Variants in CACHD1 observed in about 807,000 individuals in gnomAD.
The protein encoded by CACHD1 is VWFA and cache domain-containing protein 1.
In CACHD1, 71 loss-of-function variants were observed where a neutral mutation model predicts 138.7. That is an observed-to-expected ratio of 0.51 (90% CI 0.42 to 0.62). CACHD1 has a LOEUF of 0.62. CACHD1 is among the 20% of genes least tolerant of loss of function. The pLI, the probability that CACHD1 is intolerant of heterozygous loss-of-function variation, is 0.00. For missense variants in CACHD1, 1,389 were observed against 1,625.3 expected (o/e 0.85, Z 2.50); for synonymous variants, 578 against 591.5 (o/e 0.98, Z 0.33).
chr1:64,681,118 A>C (rs976075958), intron 24 of CACHD1, 140 bp from the exon 25 acceptor site: 1 of 499,058 alleles, frequency 2.0e-6, no homozygotes, highest in Non-Finnish European at 3.6e-6. Flanking sequence ...ATGGGGCATC[A>C]GTTCATTCCC....
At chr1:64,631,670 G>GC (rs1439926230) in intron 5 of CACHD1, among the ~76,000 whole-genome samples, 2 of 152,100 alleles carry the variant, frequency 1.3e-5, no homozygotes, top group East Asian at 3.9e-4. Flanking sequence ...TGTGAATAGA[G>GC]ACCTCATTAA....
At position 64,632,724 on chromosome 1, in the gene CACHD1, C is replaced by T. The variant is rs1434932779; in HGVS notation, c.770C>T (p.Ala257Val). The T allele has an allele frequency of 3.7e-6, 6 of 1,614,034 alleles. No individual in the cohort carries two copies. The highest frequency in any genetic ancestry group is 4.2e-6 in the Non-Finnish European group (5 of 1,179,998). ...AKDAAQVILS[A>V]IDEHDKISVL... ...GACGCTGCTCAGGTCATCCTCAGCG[C>T]CATCGATGAACATGACAAGGTGACC... The change falls in exon 6 of 27, where the codon GCC becomes GTC. Residue 257 changes from alanine (A) to valine (V), a missense_variant. Around this residue, in one of 5 missense-constraint regions of CACHD1, gnomAD observed 1,000 missense variants for 1,114.7 expected, o/e 0.90. Coordinates refer to ENST00000651257, the MANE Select transcript of CACHD1 (RefSeq NM_020925.4).
intron 22 of CACHD1, among the ~76,000 whole-genome samples, chr1:64,677,515 C>T (rs1650037478): frequency 6.6e-6 from 1 of 152,128 alleles, no homozygotes; most frequent in Non-Finnish European, 1.5e-5. Context: ...TGGTTTTTAG[C>T]TTATTGTAGC....
intron 4 of CACHD1, among the ~76,000 whole-genome samples, chr1:64,619,021 C>T (rs1198385588): frequency 6.6e-6 from 1 of 152,042 alleles, no homozygotes. Flanking sequence ...GAAGTCGCAA[C>T]CCAACAAAAA....
In CACHD1 at chr1:64,628,976, C is replaced by T. The variant is rs1010013765; in HGVS notation, c.518-379C>T. ...TGGTGATGAGGCCTATTAACATCAGCCTATTAACATCACTGTTTTCTACAG... is the reference window on the plus strand; with the variant it reads ...TGGTGATGAGGCCTATTAACATCAGTCTATTAACATCACTGTTTTCTACAG... On this transcript the variant is annotated intron_variant, in intron 4 of 26. Transcript: ENST00000651257. Among the ~76,000 whole-genome samples the T allele has an allele frequency of 3.3e-5, 5 of 152,246 alleles. 1 individual carries two copies. In the South Asian group the frequency reaches 8.3e-4, roughly 25 times the overall value.
chr1:64,532,408 T>C (rs1278446893), intron 1 of CACHD1, among the ~76,000 whole-genome samples: 3 of 151,924 alleles, frequency 2.0e-5, no homozygotes, highest in African/African-American at 7.3e-5. Context: ...GAGCATCAGG[T>C]GTGATGGATG....
At chr1:64,684,784 A>G (rs1394367264) in intron 26 of CACHD1, among the ~76,000 whole-genome samples, 1 of 152,066 alleles carries the variant, frequency 6.6e-6, no homozygotes, top group African/African-American at 2.4e-5. Flanking sequence ...AGTGCTCTAT[A>G]TAGGTGTACC....
chr1:64,672,267 G>A (rs950985762), intron 17 of CACHD1, among the ~76,000 whole-genome samples: 11 of 152,130 alleles, frequency 7.2e-5, no homozygotes, highest in African/African-American at 2.7e-4. Flanking sequence ...GGGAAATGCA[G>A]AATTCCTGGC....
intron 1 of CACHD1, among the ~76,000 whole-genome samples, chr1:64,480,650 G>A (rs778679395): frequency 6.6e-6 from 1 of 151,756 alleles, no homozygotes; most frequent in Non-Finnish European, 1.5e-5. Flanking sequence ...TTGCGAACCA[G>A]TACCATCCAA....
chr1:64,547,987 AT>A (rs1487742565), intron 1 of CACHD1, among the ~76,000 whole-genome samples: 1 of 152,182 alleles, frequency 6.6e-6, no homozygotes, highest in Non-Finnish European at 1.5e-5. Flanking sequence ...GCCCACCCAC[AT>A]TTATTAGATA....
intron 4 of CACHD1, among the ~76,000 whole-genome samples, chr1:64,620,516 A>G (rs962299300): frequency 1.3e-5 from 2 of 152,212 alleles, no homozygotes; most frequent in African/African-American, 4.8e-5. Context: ...ATTGATCTCT[A>G]ATTCAATCAT....
chr1:64,581,005 T>C (rs1434651847), intron 2 of CACHD1, among the ~76,000 whole-genome samples: 2 of 152,182 alleles, frequency 1.3e-5, no homozygotes, highest in Non-Finnish European at 2.9e-5. Flanking sequence ...CCTTTGAAAA[T>C]GATAAAATGA....
intron 1 of CACHD1, among the ~76,000 whole-genome samples, chr1:64,524,517 G>A (rs555448889): frequency 6.6e-6 from 1 of 152,188 alleles, no homozygotes; most frequent in Non-Finnish European, 1.5e-5. Flanking sequence ...TTCCTAACCA[G>A]GGATATAGGA....
intron 26 of CACHD1, among the ~76,000 whole-genome samples, chr1:64,684,155 T>G (rs1031099907): frequency 2.6e-5 from 4 of 152,194 alleles, no homozygotes; most frequent in East Asian, 1.9e-4. Context: ...CTTAGTTTTT[T>G]TGTGTGTGTG....
chr1:64,557,871 T>C (rs1271347450), intron 2 of CACHD1, among the ~76,000 whole-genome samples: 1 of 152,186 alleles, frequency 6.6e-6, no homozygotes, highest in African/African-American at 2.4e-5. Flanking sequence ...CGATCTCGGC[T>C]AACTGCAACC....
intron 2 of CACHD1, among the ~76,000 whole-genome samples, chr1:64,557,851 T>A (rs1444836612): frequency 6.6e-6 from 1 of 152,022 alleles, no homozygotes; most frequent in African/African-American, 2.4e-5. Flanking sequence ...CAGCCTGGAG[T>A]GCAATGCAGC....
chr1:64,576,793 C>A (rs1165877949), intron 2 of CACHD1, among the ~76,000 whole-genome samples: 2 of 152,092 alleles, frequency 1.3e-5, no homozygotes, highest in African/African-American at 4.8e-5. Context: ...TGTTCTCTTG[C>A]CAGGTGGCAA....
chr1:64,552,072 C>A (rs1646763285), intron 2 of CACHD1, among the ~76,000 whole-genome samples: 2 of 152,112 alleles, frequency 1.3e-5, no homozygotes, highest in African/African-American at 4.8e-5. Flanking sequence ...AGAAACTGAT[C>A]CAGGGATATC....
intron 8 of CACHD1, 70 bp from the exon 9 acceptor site, chr1:64,647,730 TA>T: frequency 7.5e-7 from 1 of 1,340,572 alleles, no homozygotes; most frequent in Non-Finnish European, 1.1e-6. Context: ...GTATTTGATC[TA>T]AATGGCAAGA....
Sources: allele counts gnomAD v4.1 joint callset (sites outside exome capture counted in the v4.1 genomes callset), GRCh38; gene constraint gnomAD v4.1.1; regional missense constraint gnomAD v4.1.1; transcripts MANE v1.5; gene names NCBI Gene and HGNC (gene_info 2026-07-23, HGNC 2026-07-21).